Variants in PLEKHM3 observed in about 807,000 individuals in gnomAD.
The protein encoded by PLEKHM3 is pleckstrin homology domain containing M3.
In PLEKHM3, 45 loss-of-function variants were observed where a neutral mutation model predicts 81.8. That is an observed-to-expected ratio of 0.55 (90% CI 0.43 to 0.71). The LOEUF (loss-of-function observed/expected upper bound fraction) is 0.71. Ranked by LOEUF, PLEKHM3 falls within the 30% of genes least tolerant of loss-of-function variation. The pLI, the probability that PLEKHM3 is intolerant of heterozygous loss-of-function variation, is 0.00. For synonymous variants in PLEKHM3, 352 were observed against 356.4 expected (o/e 0.99, Z 0.14); for missense variants, 788 against 924.3 (o/e 0.85, Z 1.91).
intron 4 of PLEKHM3, among the ~76,000 whole-genome samples, chr2:207,936,268 A>G (rs1186636381): frequency 6.6e-6 from 1 of 152,160 alleles, no homozygotes; most frequent in East Asian, 1.9e-4. Context: ...CACTGCGCCC[A>G]GTCTATTTGT....
intron 3 of PLEKHM3, among the ~76,000 whole-genome samples, chr2:207,973,285 T>A (rs1049562299): frequency 6.6e-6 from 1 of 152,242 alleles, no homozygotes; most frequent in Non-Finnish European, 1.5e-5. Context: ...CAGATCAATT[T>A]TTAACGTTCC....
At chr2:207,956,305 A>G (rs1183963649) in intron 3 of PLEKHM3, among the ~76,000 whole-genome samples, 1 of 151,950 alleles carries the variant, frequency 6.6e-6, no homozygotes, top group Non-Finnish European at 1.5e-5. Flanking sequence ...TCTATACTAC[A>G]AATACACACA....
At chr2:208,000,213 G>A (rs1692250642) in intron 2 of PLEKHM3, among the ~76,000 whole-genome samples, 1 of 152,196 alleles carries the variant, frequency 6.6e-6, no homozygotes, top group Non-Finnish European at 1.5e-5. Flanking sequence ...CCTTGTTACT[G>A]CTGGCTATGG....
chr2:207,964,090 T>C (rs1690831019), intron 3 of PLEKHM3, among the ~76,000 whole-genome samples: 1 of 152,086 alleles, frequency 6.6e-6, no homozygotes, highest in Non-Finnish European at 1.5e-5. Context: ...CACATGCCTG[T>C]AGTCCCAGCT....
At chr2:207,919,141 TAAAAAAAA>T (rs1689099005) in intron 5 of PLEKHM3, among the ~76,000 whole-genome samples, 1 of 147,748 alleles carries the variant, frequency 6.8e-6, no homozygotes, top group Non-Finnish European at 1.5e-5. Context: ...AACAAAACGA[TAAAAAAAA>T]GAAAAAAAGA....
chr2:208,014,162 T>A (rs1181362481), intron 1 of PLEKHM3, among the ~76,000 whole-genome samples: 2 of 152,300 alleles, frequency 1.3e-5, no homozygotes, highest in Admixed American at 6.5e-5. Flanking sequence ...TTAACCAATT[T>A]AGTCAGGAAA....
intron 6 of PLEKHM3, among the ~76,000 whole-genome samples, chr2:207,880,398 CTCTG>C (rs1261593814): frequency 2.3e-5 from 3 of 130,300 alleles, no homozygotes; most frequent in Non-Finnish European, 3.2e-5. Context: ...CAGAGTGAGA[CTCTG>C]TCTAAAAGAA....
At chr2:207,942,696 C>T (rs564742743) in intron 4 of PLEKHM3, among the ~76,000 whole-genome samples, 52 of 152,162 alleles carry the variant, frequency 3.4e-4, no homozygotes, top group South Asian at 6.2e-4. Context: ...GTCAAGAGAT[C>T]GAGATCATCC....
At chr2:207,986,723 T>C (rs1691734881) in intron 2 of PLEKHM3, among the ~76,000 whole-genome samples, 1 of 151,540 alleles carries the variant, frequency 6.6e-6, no homozygotes, top group Non-Finnish European at 1.5e-5. Context: ...CAAGCTGAAG[T>C]GCAGTGGCAT....
intron 6 of PLEKHM3, among the ~76,000 whole-genome samples, chr2:207,894,989 G>A (rs1042374742): frequency 1.3e-4 from 20 of 152,158 alleles, no homozygotes; most frequent in Non-Finnish European, 2.5e-4. Context: ...ATTTAGGACA[G>A]GGTCTGGCCT....
chr2:207,923,276 AT>A (rs1689247875), intron 5 of PLEKHM3, among the ~76,000 whole-genome samples: 1 of 152,132 alleles, frequency 6.6e-6, no homozygotes, highest in African/African-American at 2.4e-5. Context: ...GGGAGGTAGG[AT>A]CCCCAGCTAG....
intron 7 of PLEKHM3, among the ~76,000 whole-genome samples, chr2:207,847,582 C>T (rs180760362): frequency 6.6e-6 from 1 of 152,324 alleles, no homozygotes; most frequent in East Asian, 1.9e-4. Flanking sequence ...ACAGTCCCTT[C>T]TATCTCTATT....
At chr2:207,891,912 G>C (rs143606628) in intron 6 of PLEKHM3, among the ~76,000 whole-genome samples, 109 of 152,314 alleles carry the variant, frequency 7.2e-4, no homozygotes, top group African/African-American at 2.5e-3. Context: ...AAGCACGCCT[G>C]AGAACTAAGT....
At chr2:207,943,650 C>T (rs1690017286) in intron 4 of PLEKHM3, among the ~76,000 whole-genome samples, 3 of 151,922 alleles carry the variant, frequency 2.0e-5, no homozygotes, top group Non-Finnish European at 4.4e-5. Context: ...GGGCGGATCA[C>T]GAGGTCAGGA....
At chr2:207,911,685 A>G (rs1688812886) in intron 5 of PLEKHM3, among the ~76,000 whole-genome samples, 1 of 152,238 alleles carries the variant, frequency 6.6e-6, no homozygotes, top group African/African-American at 2.4e-5. Context: ...ATGCTTAATA[A>G]TGAAATCCCT....
chr2:207,931,157 A>C (rs1689586341), intron 4 of PLEKHM3, 38 bp from the exon 5 acceptor site: 11 of 1,555,170 alleles, frequency 7.1e-6, no homozygotes, highest in Non-Finnish European at 9.6e-6. Flanking sequence ...CTGGAGAAGC[A>C]CCTGGCTCTC....
chr2:207,984,564 A>G (rs1040355349), intron 2 of PLEKHM3, among the ~76,000 whole-genome samples: 2 of 152,140 alleles, frequency 1.3e-5, no homozygotes, highest in African/African-American at 4.8e-5. Context: ...TATTTTTAGT[A>G]GAGACAGAGT....
intron 6 of PLEKHM3, among the ~76,000 whole-genome samples, chr2:207,894,040 C>T (rs550621944): frequency 2.0e-5 from 3 of 152,284 alleles, no homozygotes; most frequent in Admixed American, 6.5e-5. Context: ...CTGCTTGAGC[C>T]TGGGAAGTCG....
chr2:208,021,550 T>A (rs1254765538), intron 1 of PLEKHM3, among the ~76,000 whole-genome samples: 2 of 152,250 alleles, frequency 1.3e-5, no homozygotes, highest in African/African-American at 2.4e-5. Context: ...CTCCAGTATT[T>A]GACTGTACAA....
Sources: gnomAD v4.1 joint callset for allele counts (sites outside exome capture counted in the v4.1 genomes callset) on GRCh38, gnomAD v4.1.1 for gene constraint, MANE v1.5 for transcripts, NCBI Gene and HGNC (gene_info 2026-07-23, HGNC 2026-07-21) for gene names.